MAGI2: variants seen among roughly 807,000 people sequenced by gnomAD.
MAGI2 encodes membrane associated guanylate kinase, WW and PDZ domain containing 2, also known as membrane-associated guanylate kinase, WW and PDZ domain-containing protein 2.
In MAGI2, 35 loss-of-function variants were observed where a neutral mutation model predicts 133.3. The observed-to-expected ratio is 0.26, with a 90% CI of 0.20 to 0.35. The LOEUF is 0.35. MAGI2 is among the 10% of genes least tolerant of loss of function. The probability of loss-of-function intolerance (pLI) is 1.00; values close to 1 mark genes in which losing one functional copy is unlikely to be tolerated. For synonymous variants in MAGI2, 729 were observed against 710.6 expected, an observed-to-expected ratio of 1.03 and a Z score of -0.41; for missense variants, 1,636 against 1,863.4, an observed-to-expected ratio of 0.88 and a Z score of 2.25.
chr7:78,850,975 T>C (rs546574553), intron 2 of MAGI2, among the ~76,000 whole-genome samples: 28 of 152,254 alleles, frequency 1.8e-4, no homozygotes, highest in African/African-American at 6.3e-4. Context: ...GAATATCACA[T>C]GACTGGATGT....
chr7:78,397,159 A>C (rs1796421432), intron 6 of MAGI2, among the ~76,000 whole-genome samples: 1 of 152,064 alleles, frequency 6.6e-6, no homozygotes. Context: ...GGTAAAAAGT[A>C]AGGCCTTAGA....
intron 2 of MAGI2, among the ~76,000 whole-genome samples, chr7:79,003,151 G>A (rs1412171567): frequency 6.6e-6 from 1 of 151,946 alleles, no homozygotes; most frequent in Non-Finnish European, 1.5e-5. Context: ...GGACCAACTT[G>A]TCCACAACTA....
intron 2 of MAGI2, among the ~76,000 whole-genome samples, chr7:78,968,037 G>A (rs1803482151): frequency 6.6e-6 from 1 of 151,852 alleles, no homozygotes; most frequent in African/African-American, 2.4e-5. Context: ...CACCATGTTG[G>A]CCAGGCTGGT....
intron 13 of MAGI2, among the ~76,000 whole-genome samples, chr7:78,181,548 T>C (rs1023763465): frequency 1.3e-5 from 2 of 152,184 alleles, no homozygotes; most frequent in Non-Finnish European, 2.9e-5. Context: ...AAGCATTCTT[T>C]GGATATTAGT....
chr7:78,874,286 A>G (rs1001706355), intron 2 of MAGI2, among the ~76,000 whole-genome samples: 9 of 152,184 alleles, frequency 5.9e-5, no homozygotes, highest in Non-Finnish European at 8.8e-5. Flanking sequence ...ATTTGCATAT[A>G]TAGATATTAA....
At position 79,453,639 on chromosome 7, in the gene MAGI2, G is replaced by C. The variant is rs1340409549; in HGVS notation, c.-319C>G. ...CGGCGGCGGCGGCGGCAGCCGGAGC[G>C]AGCAGTAGCCGAGCTGGTGAGCGGG... On this transcript the variant is annotated 5_prime_UTR_variant, in exon 1 of 22. Coordinates refer to ENST00000354212, the MANE Select transcript of MAGI2 (RefSeq NM_012301.4). The C allele has an allele frequency of 1.8e-5, 14 of 765,458 alleles. No homozygotes were observed. The highest frequency in any genetic ancestry group is 2.3e-5 in the Non-Finnish European group (14 of 611,656). 47.4% of individuals were successfully genotyped at this position (765,458 alleles called of 1,614,324 possible). A position where few individuals can be genotyped will look rare whatever the true frequency, so the allele number is the denominator to read the frequency against.
chr7:79,416,204 C>G (rs1209561764), intron 1 of MAGI2, among the ~76,000 whole-genome samples: 1 of 152,092 alleles, frequency 6.6e-6, no homozygotes, highest in Admixed American at 6.6e-5. Flanking sequence ...ACTCAAAGCC[C>G]ACTGTCTACT....
intron 5 of MAGI2, among the ~76,000 whole-genome samples, chr7:78,500,501 G>A (rs969986894): frequency 6.6e-6 from 1 of 152,090 alleles, no homozygotes; most frequent in East Asian, 1.9e-4. Flanking sequence ...AATTTTGTGC[G>A]AAGATTTTCT....
intron 1 of MAGI2, among the ~76,000 whole-genome samples, chr7:79,033,359 A>C (rs1207407445): frequency 6.6e-6 from 1 of 152,204 alleles, no homozygotes; most frequent in Non-Finnish European, 1.5e-5. Context: ...CAACTCAAAT[A>C]ACCATTTTGG....
chr7:78,839,865 G>T (rs1791972747), intron 2 of MAGI2, among the ~76,000 whole-genome samples: 1 of 152,046 alleles, frequency 6.6e-6, no homozygotes, highest in Non-Finnish European at 1.5e-5. Flanking sequence ...ACCCTAAAAA[G>T]TCTGGTCTTT....
intron 1 of MAGI2, among the ~76,000 whole-genome samples, chr7:79,377,053 C>T (rs1843431356): frequency 6.6e-6 from 1 of 151,678 alleles, no homozygotes; most frequent in Non-Finnish European, 1.5e-5. Context: ...AGCTTTTCCA[C>T]ATATAAAGTT....
intron 1 of MAGI2, among the ~76,000 whole-genome samples, chr7:79,325,234 C>G (rs1174484657): frequency 6.6e-6 from 1 of 152,034 alleles, no homozygotes; most frequent in Non-Finnish European, 1.5e-5. Context: ...CGCCCAGCCC[C>G]TAACCCTCCA....
intron 2 of MAGI2, among the ~76,000 whole-genome samples, chr7:78,653,457 G>C (rs1811793171): frequency 6.6e-6 from 1 of 152,122 alleles, no homozygotes; most frequent in Non-Finnish European, 1.5e-5. Context: ...TCCAGACATA[G>C]AAAAGGATGA....
At chr7:78,238,443 G>T (rs546202064) in intron 10 of MAGI2, among the ~76,000 whole-genome samples, 1 of 151,922 alleles carries the variant, frequency 6.6e-6, no homozygotes, top group Non-Finnish European at 1.5e-5. Flanking sequence ...GTACATGCCC[G>T]TAGTACCAGC....
chr7:79,239,708 C>T (rs1213214333), intron 1 of MAGI2, among the ~76,000 whole-genome samples: 2 of 152,158 alleles, frequency 1.3e-5, no homozygotes, highest in Admixed American at 1.3e-4. Flanking sequence ...ACAAGTTCAG[C>T]ATAAAATGAT....
intron 2 of MAGI2, among the ~76,000 whole-genome samples, chr7:78,997,036 A>C (rs1042449287): frequency 6.6e-6 from 1 of 152,186 alleles, no homozygotes; most frequent in Admixed American, 6.6e-5. Context: ...AAAATGGGAA[A>C]GGACAAATAT....
intron 2 of MAGI2, among the ~76,000 whole-genome samples, chr7:78,936,116 T>G (rs951189101): frequency 4.0e-5 from 6 of 151,698 alleles, no homozygotes; most frequent in African/African-American, 1.5e-4. Context: ...AGACAATAAA[T>G]AGAAACCAAA....
intron 3 of MAGI2, among the ~76,000 whole-genome samples, chr7:78,577,047 T>C (rs1802339536): frequency 6.6e-6 from 1 of 152,216 alleles, no homozygotes; most frequent in Non-Finnish European, 1.5e-5. Context: ...GTGTCAGCCA[T>C]GCACAGGATA....
intron 2 of MAGI2, among the ~76,000 whole-genome samples, chr7:78,986,457 A>G (rs923781257): frequency 1.1e-4 from 17 of 152,070 alleles, no homozygotes; most frequent in African/African-American, 3.9e-4. Context: ...CTATTATCCT[A>G]TTTGCTCTAT....
Sources: allele counts gnomAD v4.1 joint callset (sites outside exome capture counted in the v4.1 genomes callset), GRCh38; gene constraint gnomAD v4.1.1; transcripts MANE v1.5; gene names NCBI Gene and HGNC (gene_info 2026-07-23, HGNC 2026-07-21).